ACTR3C: variants seen among roughly 807,000 people sequenced by gnomAD.
ACTR3C encodes actin related protein 3C.
A neutral mutation model predicts 26.3 loss-of-function variants in ACTR3C; 18 were observed. The observed-to-expected ratio is 0.68, with a 90% CI of 0.47 to 1.01. The LOEUF (loss-of-function observed/expected upper bound fraction) is 1.01. Ranked by LOEUF, ACTR3C falls within the 50% of genes least tolerant of loss-of-function variation. ACTR3C has a pLI of 0.00. For synonymous variants in ACTR3C, 55 were observed against 94.5 expected (o/e 0.58, Z 2.42); for missense variants, 184 against 250.7 (o/e 0.73, Z 1.80).
At chr7:150,128,728 A>G in the ACTR3C span, among the ~76,000 whole-genome samples, 1 of 151,848 alleles carries the variant, frequency 6.6e-6, no homozygotes, top group Non-Finnish European at 1.5e-5. Context: ...GCTTCTCAGC[A>G]TAAAGGAATA....
the ACTR3C span, among the ~76,000 whole-genome samples, chr7:150,080,741 G>A: frequency 6.6e-6 from 1 of 152,126 alleles, no homozygotes; most frequent in South Asian, 2.1e-4. Flanking sequence ...AGTGAATGAA[G>A]GTTCCATGGA....
At chr7:150,250,178 T>A (rs1832733112) in intron 6 of ACTR3C, among the ~76,000 whole-genome samples, 1 of 149,974 alleles carries the variant, frequency 6.7e-6, no homozygotes, top group Admixed American at 6.6e-5. Context: ...TTAGAATAAA[T>A]GAGCAAGAAA....
the ACTR3C span, among the ~76,000 whole-genome samples, chr7:150,203,032 A>G: frequency 1.3e-5 from 2 of 152,352 alleles, no homozygotes; most frequent in South Asian, 4.1e-4. Context: ...TAAATGACAA[A>G]ATTATTTAGT....
chr7:150,054,253 GT>G, the ACTR3C span, among the ~76,000 whole-genome samples: 4 of 152,174 alleles, frequency 2.6e-5, no homozygotes, highest in South Asian at 4.1e-4. Context: ...ATTCAAAACT[GT>G]AACAGACTGG....
chr7:150,183,996 T>C, the ACTR3C span, among the ~76,000 whole-genome samples: 1 of 150,752 alleles, frequency 6.6e-6, no homozygotes, highest in African/African-American at 2.5e-5. Flanking sequence ...TCCGCCATAA[T>C]TGTAAGTTTC....
chr7:150,234,577 C>T, the ACTR3C span, among the ~76,000 whole-genome samples: 1,584 of 152,194 alleles, frequency 0.01, 24 homozygotes, highest in African/African-American at 0.036. Flanking sequence ...ACTAGCGCTC[C>T]GGAAAATCAT....
chr7:150,028,717 G>A, the ACTR3C span, among the ~76,000 whole-genome samples: 1 of 152,190 alleles, frequency 6.6e-6, no homozygotes, highest in African/African-American at 2.4e-5. Context: ...CCTGTGCTAC[G>A]TGCCTCGGGT....
At chr7:150,213,783 G>A in the ACTR3C span, among the ~76,000 whole-genome samples, 2 of 147,088 alleles carry the variant, frequency 1.4e-5, no homozygotes, top group African/African-American at 5.1e-5. Context: ...AGATTTTTCA[G>A]ATTTGACAAG....
At chr7:150,316,483 ATTTT>A (rs35767189) in intron 1 of ACTR3C, among the ~76,000 whole-genome samples, 3,121 of 80,610 alleles carry the variant, frequency 0.039, 79 homozygotes, top group African/African-American at 0.11. Context: ...GAATCTGGTT[ATTTT>A]TTTTTTTTTT....
At chr7:150,163,378 G>C in the ACTR3C span, among the ~76,000 whole-genome samples, 30 of 133,776 alleles carry the variant, frequency 2.2e-4, no homozygotes, top group East Asian at 1.7e-3. Flanking sequence ...ATATATATAT[G>C]TGTGTATGTG....
the ACTR3C span, among the ~76,000 whole-genome samples, chr7:150,198,603 C>T: frequency 6.7e-6 from 1 of 149,786 alleles, no homozygotes; most frequent in Non-Finnish European, 1.5e-5. Context: ...AGATCCTCCG[C>T]CCGGCAGCCG....
At chr7:150,067,804 G>GA in the ACTR3C span, among the ~76,000 whole-genome samples, 1 of 123,250 alleles carries the variant, frequency 8.1e-6, no homozygotes, top group South Asian at 3.0e-4. Context: ...GGTGGGGGGG[G>GA]ATGGGGGATG....
chr7:149,902,098 T>C, the ACTR3C span, among the ~76,000 whole-genome samples: 1 of 151,976 alleles, frequency 6.6e-6, no homozygotes, highest in Non-Finnish European at 1.5e-5. Context: ...GAAGAGTGTA[T>C]CTAAGGACTT....
the ACTR3C span, among the ~76,000 whole-genome samples, chr7:149,935,907 C>G: frequency 1.3e-5 from 2 of 152,150 alleles, no homozygotes; most frequent in Admixed American, 1.3e-4. Context: ...CTGAGTAGAC[C>G]TGCCACTGCT....
chr7:150,127,018 A>G, the ACTR3C span, among the ~76,000 whole-genome samples: 1,115 of 152,318 alleles, frequency 7.3e-3, 8 homozygotes, highest in African/African-American at 0.025. Context: ...TACATTACAC[A>G]TTAAAGGTTC....
chr7:150,263,823 G>C (rs1442287663), intron 6 of ACTR3C, among the ~76,000 whole-genome samples: 3 of 152,232 alleles, frequency 2.0e-5, no homozygotes, highest in Non-Finnish European at 4.4e-5. Flanking sequence ...ATTCATTTCA[G>C]ATTTTTCTTC....
chr7:149,985,955 C>T, the ACTR3C span, among the ~76,000 whole-genome samples: 1 of 152,070 alleles, frequency 6.6e-6, no homozygotes, highest in South Asian at 2.1e-4. Flanking sequence ...ATCCTTTATC[C>T]TAAAACTGCT....
At chr7:150,071,218 G>C in the ACTR3C span, among the ~76,000 whole-genome samples, 1 of 151,382 alleles carries the variant, frequency 6.6e-6, no homozygotes, top group Non-Finnish European at 1.5e-5. Flanking sequence ...CCGCCTCCCG[G>C]GTTCATGCCA....
the ACTR3C span, among the ~76,000 whole-genome samples, chr7:149,916,954 A>G: frequency 6.6e-6 from 1 of 152,230 alleles, no homozygotes; most frequent in East Asian, 1.9e-4. Context: ...AAAGCAATAT[A>G]AAAAGGTATC....
Sources: gnomAD v4.1 joint callset for allele counts (sites outside exome capture counted in the v4.1 genomes callset) on GRCh38, gnomAD v4.1.1 for gene constraint, MANE v1.5 for transcripts, NCBI Gene and HGNC (gene_info 2026-07-23, HGNC 2026-07-21) for gene names.